C19orf67: variants seen among roughly 807,000 people sequenced by gnomAD.
The protein encoded by C19orf67 is chromosome 19 open reading frame 67.
Under a neutral mutation model 41.4 loss-of-function variants are expected in C19orf67, and 28 were observed. That is an observed-to-expected ratio of 0.68 (90% CI 0.50 to 0.93). The LOEUF (loss-of-function observed/expected upper bound fraction) is 0.93. C19orf67 is among the 40% of genes least tolerant of loss of function. C19orf67 has a pLI of 0.00. For synonymous variants in C19orf67, 242 were observed against 203.4 expected, an observed-to-expected ratio of 1.19 and a Z score of -1.62; for missense variants, 421 against 467.0, an observed-to-expected ratio of 0.90 and a Z score of 0.91.
At position 14,085,690 on chromosome 19, in the gene C19orf67, G is replaced by A; in HGVS notation, c.-63C>T. The A allele has an allele frequency of 1.6e-6, 2 of 1,280,406 alleles. No individual in the cohort carries two copies. The highest frequency in any genetic ancestry group is 2.2e-6 in the Non-Finnish European group (2 of 922,160). The allele number at this position is 1,280,406 out of a possible 1,614,324, so 79.3% of individuals were successfully genotyped here. A position where few individuals can be genotyped will look rare whatever the true frequency, so the allele number is the denominator to read the frequency against. ...TTCCGCTGCTGCTCAGGTTGGCCGC[G>A]GGTTCGACCCCGCCCCGGGAGCCTC... On this transcript the variant is annotated 5_prime_UTR_variant, in exon 1 of 6. Transcript: ENST00000548523.
chr19:14,083,015 CT>C (rs1453473165), intron 4 of C19orf67, among the ~76,000 whole-genome samples: 1 of 152,008 alleles, frequency 6.6e-6, no homozygotes, highest in Admixed American at 6.6e-5. Context: ...TGGCGAATTT[CT>C]TTGTTGTTGA....
chr19:14,081,871 G>C lies in C19orf67; in HGVS notation c.1040C>G (p.Ala347Gly). The change falls in exon 6 of 6, where the codon GCA (alanine) becomes GGA (glycine). Residue 347 changes from alanine (A) to glycine (G), a missense_variant. This residue lies in a region of C19orf67 where 253 missense variants were observed against 307.0 expected (regional missense o/e 0.82). Transcript: ENST00000548523. Reference sequence around the variant, plus strand: ...CGCTGCCCACCCCGCAGGCCCGGCTGCGCTCGGAGGCCGGGCCTGGCCTGC... The same window carrying C: ...CGCTGCCCACCCCGCAGGCCCGGCTCCGCTCGGAGGCCGGGCCTGGCCTGC... The part of the protein sequence containing the change: ...GQAGQARPPS[A>G]AGPAGWAAQG... The C allele has an allele frequency of 6.5e-7, 1 of 1,533,552 alleles. No individual in the cohort carries two copies. Among genetic ancestry groups the C allele is most frequent in the Non-Finnish European group, 8.7e-7 (1 of 1,145,534 alleles). 95.0% of individuals were successfully genotyped at this position (1,533,552 alleles called of 1,614,324 possible).
Position 14,085,637 on chromosome 19 carries a change from G to A in C19orf67, c.-10C>T, listed in dbSNP as rs1403574218. On this transcript the variant is annotated 5_prime_UTR_variant, in exon 1 of 6. Coordinates refer to ENST00000548523, the MANE Select transcript of C19orf67 (RefSeq NM_001277378.2). ...ACTGCTCTGTAGCCATGGTAGGGCC[G>A]GGGGGCGGGAACCTGAGCTCTTTAA... The A allele has an allele frequency of 3.3e-6, 5 of 1,518,738 alleles. No individual in the cohort carries two copies. Among genetic ancestry groups the A allele is most frequent in the Admixed American group, 2.0e-5 (1 of 50,784 alleles). The allele number at this position is 1,518,738 out of a possible 1,614,324, so 94.1% of individuals were successfully genotyped here.
At chr19:14,084,760 C>G (rs1173969443) in intron 1 of C19orf67, among the ~76,000 whole-genome samples, 1 of 152,090 alleles carries the variant, frequency 6.6e-6, no homozygotes, top group Non-Finnish European at 1.5e-5. Context: ...TTGCTTCAAT[C>G]CGGGAGGCGG....
Position 14,082,549 on chromosome 19 carries a change from A to G in C19orf67, c.822T>C (p.Asn274=). The G allele has an allele frequency of 6.5e-7, 1 of 1,536,378 alleles. No individual in the cohort carries two copies. Among genetic ancestry groups the G allele is most frequent in the Non-Finnish European group, 8.7e-7 (1 of 1,146,928 alleles). Residue 274 remains asparagine, a synonymous_variant, in exon 5 of 6, where the codon AAT becomes AAC. Transcript: ENST00000548523. The part of the protein sequence containing the change: ...TWEDTGQSPA[N]SCPQIQKLWS... ...ACAGCTTCTGGATCTGTGGGCACGA[A>G]TTGGCTGGACTCTGGCCTGTGTCTT...
intron 3 of C19orf67, 28 bp from the exon 4 acceptor site, chr19:14,083,450 T>C (rs1421872121): frequency 1.3e-6 from 2 of 1,530,286 alleles, no homozygotes; most frequent in African/African-American, 2.7e-5. Flanking sequence ...AATGGAGGGG[T>C]GAGGCTGGGC....
chr19:14,082,446 G>A (rs1193254833), intron 5 of C19orf67, 23 bp downstream of exon 5: 2 of 1,511,030 alleles, frequency 1.3e-6, no homozygotes, highest in Admixed American at 2.1e-5. Context: ...CCAGGCCCAC[G>A]TTGCTATTGC....
In C19orf67 at chr19:14,083,622, G is replaced by A. The variant is rs1976806244; in HGVS notation, c.481-17C>T. The A allele has an allele frequency of 1.0e-5, 16 of 1,534,638 alleles. No homozygotes were observed. The highest frequency in any genetic ancestry group is 1.4e-5 in the Non-Finnish European group (16 of 1,145,840). On this transcript the variant is annotated splice_polypyrimidine_tract_variant and intron_variant, in intron 2 of 5. Coordinates refer to ENST00000548523, the MANE Select transcript of C19orf67 (RefSeq NM_001277378.2). ...CTCTAACAGCTGCATACAAGAGGGG[G>A]GTACAGTGAGATCAGCTGGCCTGCG...
chr19:14,085,604 C>G lies in C19orf67; in HGVS notation c.24G>C (p.Glu8Asp). Residue 8 changes from glutamate (E) to aspartate (D), a missense_variant, in exon 1 of 6, where the codon GAG becomes GAC. Physicochemically the swap from Glu to Asp is conservative, Grantham distance 45 (BLOSUM62 2). Transcript: ENST00000548523. ...CTCCAGGGTCCAGGGGGAGCGACCC[C>G]TCGAACCACTGCTCTGTAGCCATGG... is the stretch of plus-strand genomic sequence containing the variant. MATEQWF[E>D]GSLPLDPGET... is the part of the protein sequence containing the mutation. 6.5e-7 allele frequency: 1 copy of G among 1,534,882 alleles called. No individual in the cohort carries two copies. The highest frequency in any genetic ancestry group is 8.7e-7 in the Non-Finnish European group (1 of 1,146,480).
At chr19:14,084,906 T>C (rs1976829512) in intron 1 of C19orf67, among the ~76,000 whole-genome samples, 1 of 151,976 alleles carries the variant, frequency 6.6e-6, no homozygotes, top group Non-Finnish European at 1.5e-5. Flanking sequence ...AAATTGAGAG[T>C]CACAGGGAAA....
chr19:14,085,745 G>A lies in C19orf67; in HGVS notation c.-118C>T. 3 of 724,856 alleles carry A rather than the reference G, an allele frequency of 4.1e-6. No individual in the cohort carries two copies. The highest frequency in any genetic ancestry group is 6.7e-6 in the Non-Finnish European group (3 of 446,340). The allele number at this position is 724,856 out of a possible 1,614,324, so 44.9% of individuals were successfully genotyped here. On this transcript the variant is annotated 5_prime_UTR_variant, in exon 1 of 6. Coordinates refer to ENST00000548523, the MANE Select transcript of C19orf67 (RefSeq NM_001277378.2). ...TGGCCCCTGCCTTGACCTCTCCACC[G>A]GAGCCGCGCCGCCGCGCCGGGGGCC...
chr19:14,085,601 C>T lies in C19orf67; in HGVS notation c.27G>A (p.Gly9=), dbSNP rs1976845446. 1.3e-6 allele frequency: 2 copies of T among 1,534,840 alleles called. No homozygotes were observed. The highest frequency in any genetic ancestry group is 1.7e-6 in the Non-Finnish European group (2 of 1,146,532). MATEQWFE[G]SLPLDPGETP... is the part of the protein sequence containing the mutation. ...TTTCTCCAGGGTCCAGGGGGAGCGA[C>T]CCCTCGAACCACTGCTCTGTAGCCA... Residue 9 remains glycine, a synonymous_variant, in exon 1 of 6, where the codon GGG becomes GGA. Transcript: ENST00000548523.
At position 14,081,786 on chromosome 19, in the gene C19orf67, C is replaced by G; in HGVS notation, c.*48G>C. 1.4e-6 allele frequency: 2 copies of G among 1,417,620 alleles called. No individual in the cohort carries two copies. The highest frequency in any genetic ancestry group is 2.8e-5 in the Admixed American group (1 of 36,142). The allele number at this position is 1,417,620 out of a possible 1,614,324, so 87.8% of individuals were successfully genotyped here. A position where few individuals can be genotyped will look rare whatever the true frequency, so the allele number is the denominator to read the frequency against. The stretch of plus-strand genomic sequence containing the variant: ...GTGAGCCCCTCCCCTGCCCCCTATT[C>G]TGGAGTTTGGAACTGTCAAGTTCCA... On this transcript the variant is annotated 3_prime_UTR_variant, in exon 6 of 6. Transcript: ENST00000548523.
In C19orf67 at chr19:14,083,569, C is replaced by G; in HGVS notation, c.517G>C (p.Glu173Gln). Reference sequence around the variant, plus strand: ...GAAGCGTACATGAGGACCAGCTGTTCCAGGCGCAGGGTCAGCTGTTGGGAG... The same window carrying G: ...GAAGCGTACATGAGGACCAGCTGTTGCAGGCGCAGGGTCAGCTGTTGGGAG... ...EISQQLTLRL[E>Q]QLVLMYASFG... Residue 173 changes from glutamate to glutamine, a missense_variant, in exon 3 of 6, where the codon GAA becomes CAA. Glu to Gln is a conservative substitution (Grantham distance 29, BLOSUM62 2). Around this residue, in one of 3 missense-constraint regions of C19orf67, gnomAD observed 253 missense variants for 307.0 expected, o/e 0.82. Transcript: ENST00000548523. 1.3e-6 allele frequency: 2 copies of G among 1,536,064 alleles called. No individual in the cohort carries two copies. Among genetic ancestry groups the G allele is most frequent in the Non-Finnish European group, 1.7e-6 (2 of 1,146,896 alleles).
At position 14,085,417 on chromosome 19, in the gene C19orf67, G is replaced by C. The variant is rs539911821; in HGVS notation, c.211C>G (p.Leu71Val). 4.8e-5 allele frequency: 74 copies of C among 1,536,010 alleles called. No homozygotes were observed. The African/African-American group carries it at 8.6e-4, about 18-fold the overall frequency. ...ARASTSSPKP[L>V]VPRPGPAPPR... ...GGTGCTGGCCCAGGCCGGGGGACCA[G>C]AGGTTTGGGGGAAGACGTGGAGGCC... The change falls in exon 1 of 6, where the codon CTG becomes GTG. Residue 71 changes from leucine to valine, a missense_variant. Around this residue, in one of 3 missense-constraint regions of C19orf67, gnomAD observed 160 missense variants for 139.2 expected, o/e 1.15. Coordinates refer to ENST00000548523, the MANE Select transcript of C19orf67 (RefSeq NM_001277378.2).
chr19:14,083,576 C>A lies in C19orf67; in HGVS notation c.510G>T (p.Leu170=). 1 of 1,536,036 alleles carries A rather than the reference C, an allele frequency of 6.5e-7. No individual in the cohort carries two copies. The highest frequency in any genetic ancestry group is 8.7e-7 in the Non-Finnish European group (1 of 1,146,882). The part of the protein sequence containing the change: ...GLLEISQQLT[L]RLEQLVLMYA... ...ACATGAGGACCAGCTGTTCCAGGCG[C>A]AGGGTCAGCTGTTGGGAGATCTCTA... The change falls in exon 3 of 6, where the codon CTG becomes CTT. Residue 170 remains leucine, a synonymous_variant. Transcript: ENST00000548523.
chr19:14,085,252 T>C (rs754643981), intron 1 of C19orf67, 41 bp downstream of exon 1: 74 of 1,511,818 alleles, frequency 4.9e-5, no homozygotes, highest in Admixed American at 1.4e-4. Context: ...CCCCTCCAAG[T>C]CTCCTTACCC....
At chr19:14,082,126 G>A in intron 5 of C19orf67, 118 bp from the exon 6 acceptor site, 1 of 904,644 alleles carries the variant, frequency 1.1e-6, no homozygotes. Context: ...GCTGCGGGTG[G>A]GAAAAACCCC....
At position 14,085,747 on chromosome 19, in the gene C19orf67, A is replaced by C. The variant is rs886566728; in HGVS notation, c.-120T>G. Reference sequence around the variant, plus strand: ...GCCCCTGCCTTGACCTCTCCACCGGAGCCGCGCCGCCGCGCCGGGGGCCGT... The same window carrying C: ...GCCCCTGCCTTGACCTCTCCACCGGCGCCGCGCCGCCGCGCCGGGGGCCGT... On this transcript the variant is annotated 5_prime_UTR_variant, in exon 1 of 6. Transcript: ENST00000548523. 4.2e-6 allele frequency: 3 copies of C among 715,594 alleles called. No individual in the cohort carries two copies. Among genetic ancestry groups the C allele is most frequent in the Non-Finnish European group, 6.8e-6 (3 of 438,362 alleles). 44.3% of individuals were successfully genotyped at this position (715,594 alleles called of 1,614,324 possible).
Sources: gnomAD v4.1 joint callset for allele counts (sites outside exome capture counted in the v4.1 genomes callset) on GRCh38, gnomAD v4.1.1 for gene constraint, gnomAD v4.1.1 regional missense constraint, MANE v1.5 for transcripts, NCBI Gene and HGNC (gene_info 2026-07-23, HGNC 2026-07-21) for gene names.